KCNIP4: variants seen among roughly 807,000 people sequenced by gnomAD.
The protein encoded by KCNIP4 is potassium voltage-gated channel interacting protein 4.
KCNIP4 carries 12 observed loss-of-function variants against 34.0 expected under a neutral mutation model. That is an observed-to-expected ratio of 0.35 (90% confidence interval 0.23 to 0.57). The LOEUF is 0.57. Among genes scored for constraint, KCNIP4 ranks in the 20% least tolerant of loss-of-function variants. The probability of loss-of-function intolerance (pLI) is 0.83; values close to 1 mark genes in which losing one functional copy is unlikely to be tolerated. For synonymous variants in KCNIP4, 124 were observed against 102.2 expected (o/e 1.21, Z -1.29); for missense variants, 238 against 311.7 (o/e 0.76, Z 1.78).
chr4:21,439,418 G>A (rs769342798), intron 1 of KCNIP4, among the ~76,000 whole-genome samples: 3 of 152,142 alleles, frequency 2.0e-5, no homozygotes, highest in Admixed American at 6.5e-5. Context: ...AAACTCTTCC[G>A]TATAATTCAC....
chr4:21,189,976 C>T (rs1474856727), intron 1 of KCNIP4, among the ~76,000 whole-genome samples: 1 of 152,162 alleles, frequency 6.6e-6, no homozygotes, highest in African/African-American at 2.4e-5. Flanking sequence ...CAGTAGATAA[C>T]TATTGAAGAA....
intron 1 of KCNIP4, among the ~76,000 whole-genome samples, chr4:21,221,848 C>T (rs1338123175): frequency 1.3e-5 from 2 of 152,160 alleles, no homozygotes; most frequent in African/African-American, 4.8e-5. Flanking sequence ...ATCTAGGCAG[C>T]CCCATGAATA....
chr4:21,701,075 A>G (rs752344655), intron 1 of KCNIP4, among the ~76,000 whole-genome samples: 2 of 152,212 alleles, frequency 1.3e-5, no homozygotes, highest in African/African-American at 2.4e-5. Flanking sequence ...TCAGCCTTAT[A>G]CAAATTAGGA....
chr4:21,725,065 G>A (rs1027705628), intron 1 of KCNIP4, among the ~76,000 whole-genome samples: 1 of 152,006 alleles, frequency 6.6e-6, no homozygotes, highest in Non-Finnish European at 1.5e-5. Flanking sequence ...CTGACTTTGC[G>A]TCTAAACCTA....
chr4:21,043,603 T>C (rs780586507), intron 1 of KCNIP4, among the ~76,000 whole-genome samples: 41 of 152,224 alleles, frequency 2.7e-4, no homozygotes, highest in Non-Finnish European at 4.7e-4. Context: ...CCTCTCAAAG[T>C]GCTGGGATGA....
At chr4:21,076,082 A>C (rs550266011) in intron 1 of KCNIP4, among the ~76,000 whole-genome samples, 1 of 152,032 alleles carries the variant, frequency 6.6e-6, no homozygotes, top group South Asian at 2.1e-4. Flanking sequence ...TTTTTCCTTC[A>C]TTTCAACTTT....
chr4:21,476,938 T>G lies in KCNIP4; in HGVS notation c.61+471633A>C, dbSNP rs1352242119. Among the ~76,000 whole-genome samples the G allele has an allele frequency of 3.3e-5, 5 of 152,152 alleles. No individual in the cohort carries two copies. In the East Asian group the frequency reaches 7.7e-4, roughly 23 times the overall value. The stretch of plus-strand genomic sequence containing the variant: ...CTCCTTTAACAAATCCAGGCAGGAC[T>G]CTGTCCTGGGCACTGTCCTAGGTGC... On this transcript the variant is annotated intron_variant, in intron 1 of 8. Coordinates refer to ENST00000382152, the MANE Select transcript of KCNIP4 (RefSeq NM_025221.6).
chr4:21,883,102 A>T (rs565324635), intron 1 of KCNIP4, among the ~76,000 whole-genome samples: 3 of 152,126 alleles, frequency 2.0e-5, no homozygotes, highest in Admixed American at 1.3e-4. Context: ...AGAAAGGCAA[A>T]TAAGCTTTAT....
At chr4:21,359,417 A>G (rs1334533528) in intron 1 of KCNIP4, among the ~76,000 whole-genome samples, 1 of 152,084 alleles carries the variant, frequency 6.6e-6, no homozygotes, top group East Asian at 1.9e-4. Context: ...TATATAAATG[A>G]TGATGTATGA....
chr4:21,495,424 T>C (rs1332585726), intron 1 of KCNIP4, among the ~76,000 whole-genome samples: 1 of 152,162 alleles, frequency 6.6e-6, no homozygotes, highest in Non-Finnish European at 1.5e-5. Context: ...CTAAAATCAC[T>C]GCTCTGCTCT....
intron 1 of KCNIP4, among the ~76,000 whole-genome samples, chr4:21,647,329 T>C (rs1747099174): frequency 6.6e-6 from 1 of 152,144 alleles, no homozygotes; most frequent in African/African-American, 2.4e-5. Context: ...ATCTTCCTAA[T>C]AGCGAACTTG....
intron 1 of KCNIP4, among the ~76,000 whole-genome samples, chr4:21,358,570 C>A (rs1046532082): frequency 6.6e-6 from 1 of 152,068 alleles, no homozygotes; most frequent in African/African-American, 2.4e-5. Context: ...TTGACTGAGC[C>A]ATAGGGTGAC....
At chr4:21,112,025 G>GTATCTATCTATCTATC (rs34396290) in intron 1 of KCNIP4, among the ~76,000 whole-genome samples, 145 of 114,808 alleles carry the variant, frequency 1.3e-3, no homozygotes, top group East Asian at 1.6e-3. Context: ...TCCTTTCTCT[G>GTATCTATCTATCTATC]TATCTATCTA....
rs1466532692 is a variant in KCNIP4 at position 21,387,489 on chromosome 4, G to A, written c.62-504780C>T. Reference sequence around the variant, plus strand: ...AGTCTCTCTTCATGAAACTTGGTGAGACAACAAACAAATGATATGTCATCA... The same window carrying A: ...AGTCTCTCTTCATGAAACTTGGTGAAACAACAAACAAATGATATGTCATCA... On this transcript the variant is annotated intron_variant, in intron 1 of 8. Coordinates refer to ENST00000382152, the MANE Select transcript of KCNIP4 (RefSeq NM_025221.6). Among the ~76,000 whole-genome samples, 5 of 152,078 alleles carry A rather than the reference G, an allele frequency of 3.3e-5. No homozygotes were observed. In the East Asian group the frequency reaches 9.6e-4, roughly 29 times the overall value.
chr4:20,923,472 T>C (rs1729601160), intron 1 of KCNIP4, among the ~76,000 whole-genome samples: 1 of 152,218 alleles, frequency 6.6e-6, no homozygotes, highest in Admixed American at 6.5e-5. Context: ...TTCTTCATTG[T>C]ACTCACCTAT....
At chr4:21,411,693 A>C (rs1724522310) in intron 1 of KCNIP4, among the ~76,000 whole-genome samples, 1 of 152,102 alleles carries the variant, frequency 6.6e-6, no homozygotes, top group Admixed American at 6.5e-5. Context: ...ATACTTAGCC[A>C]GGCATATGGA....
chr4:21,674,331 G>T (rs1488688428), intron 1 of KCNIP4, among the ~76,000 whole-genome samples: 1 of 152,164 alleles, frequency 6.6e-6, no homozygotes, highest in African/African-American at 2.4e-5. Flanking sequence ...ATTGGTGTGG[G>T]CTTTCTCTAC....
chr4:20,834,285 T>C (rs1430581250), intron 3 of KCNIP4, among the ~76,000 whole-genome samples: 5 of 152,172 alleles, frequency 3.3e-5, no homozygotes, highest in African/African-American at 1.2e-4. Flanking sequence ...GTGGGGTGTC[T>C]TGAATACATT....
intron 3 of KCNIP4, among the ~76,000 whole-genome samples, chr4:20,831,796 G>GATT (rs1172971693): frequency 6.6e-6 from 1 of 152,198 alleles, no homozygotes; most frequent in African/African-American, 2.4e-5. Context: ...TCATTGCACA[G>GATT]ATTACATGGT....
Sources: allele counts gnomAD v4.1 joint callset (sites outside exome capture counted in the v4.1 genomes callset), GRCh38; gene constraint gnomAD v4.1.1; transcripts MANE v1.5; gene names NCBI Gene and HGNC (gene_info 2026-07-23, HGNC 2026-07-21).